GRK7: variants seen among roughly 807,000 people sequenced by gnomAD.
The protein encoded by GRK7 is rhodopsin kinase GRK7.
Under a neutral mutation model 34.1 loss-of-function variants are expected in GRK7, and 24 were observed. The observed-to-expected ratio is 0.70, with a 90% CI of 0.51 to 0.99. The LOEUF (loss-of-function observed/expected upper bound fraction) is 0.99, where lower values mean the gene tolerates loss of function less well. Among genes scored for constraint, GRK7 ranks in the 50% least tolerant of loss-of-function variants. The pLI is 0.00. For missense variants in GRK7, 644 were observed against 707.3 expected, an observed-to-expected ratio of 0.91 and a Z score of 1.02; for synonymous variants, 256 against 279.4, an observed-to-expected ratio of 0.92 and a Z score of 0.84.
chr3:141,815,466 A>G (rs35026516), intron 5 of GRK7, among the ~76,000 whole-genome samples: 15,640 of 152,118 alleles, frequency 0.1, 866 homozygotes, highest in Non-Finnish European at 0.13. Flanking sequence ...ATGCCACAAA[A>G]CAGCCCACTT....
In GRK7 at chr3:141,807,744, A is replaced by G; in HGVS notation, c.1150A>G (p.Met384Val). The G allele has an allele frequency of 6.2e-7, 1 of 1,614,144 alleles. No homozygotes were observed. The highest frequency in any genetic ancestry group is 8.5e-7 in the Non-Finnish European group (1 of 1,179,960). ...WFAMGCSIYE[M>V]VAGRTPFKDY... Reference sequence around the variant, plus strand: ...TGCCATGGGATGCAGCATTTATGAAATGGTTGCTGGACGAACACCATTCAA... The same window carrying G: ...TGCCATGGGATGCAGCATTTATGAAGTGGTTGCTGGACGAACACCATTCAA... The change falls in exon 5 of 6, where the codon ATG (methionine) becomes GTG (valine). Residue 384 changes from methionine (M) to valine (V), a missense_variant. Transcript: ENST00000682958.
rs991703867 is a variant in GRK7 at position 141,816,881 on chromosome 3, A to G, written c.1493A>G (p.Asp498Gly). The change falls in exon 6 of 6, where the codon GAT becomes GGT. Residue 498 changes from aspartate to glycine, a missense_variant. Transcript: ENST00000682958. The part of the protein sequence containing the change: ...DFSEVRGVEF[D>G]DKDKQFFKNF... The stretch of plus-strand genomic sequence containing the variant: ...TCTGAGGTTCGGGGGGTGGAATTTG[A>G]TGACAAAGATAAGCAGTTCTTCAAA... 1 of 1,614,008 alleles carries G rather than the reference A, an allele frequency of 6.2e-7. No homozygotes were observed. The highest frequency in any genetic ancestry group is 1.3e-5 in the African/African-American group (1 of 74,918).
chr3:141,779,852 T>C (rs984953789), intron 3 of GRK7, among the ~76,000 whole-genome samples: 1 of 152,250 alleles, frequency 6.6e-6, no homozygotes, highest in Non-Finnish European at 1.5e-5. Flanking sequence ...CAATACTCCA[T>C]TCCTTTTTAT....
chr3:141,750,110 T>A, the GRK7 span, among the ~76,000 whole-genome samples: 1 of 152,246 alleles, frequency 6.6e-6, no homozygotes, highest in Non-Finnish European at 1.5e-5. Flanking sequence ...CCTTTTTCTA[T>A]TAGGCTGGTG....
chr3:141,766,832 A>AT (rs2084583724), intron 1 of GRK7, among the ~76,000 whole-genome samples: 1 of 152,254 alleles, frequency 6.6e-6, no homozygotes, highest in African/African-American at 2.4e-5. Context: ...TGCTTAGCAG[A>AT]TTTTTAAAAT....
In GRK7 at chr3:141,778,173, C is replaced by A; in HGVS notation, c.-112C>A. 1 of 1,360,472 alleles carries A rather than the reference C, an allele frequency of 7.4e-7. No homozygotes were observed. Among genetic ancestry groups the A allele is most frequent in the Non-Finnish European group, 1.0e-6 (1 of 996,326 alleles). The allele number at this position is 1,360,472 out of a possible 1,614,324, so 84.3% of individuals were successfully genotyped here. A position where few individuals can be genotyped will look rare whatever the true frequency, so the allele number is the denominator to read the frequency against. ...ACCCTCCACGGGTCCCACCCACAGG[C>A]CACAGGACTCACTGTAAATCCCTTG... On this transcript the variant is annotated splice_region_variant and 5_prime_UTR_variant, in exon 3 of 6. Transcript: ENST00000682958. This position sits in a 1 kb window ranked among gnomAD's most constrained non-coding sequence, Gnocchi z 4.1.
intron 4 of GRK7, among the ~76,000 whole-genome samples, chr3:141,790,604 C>T (rs2084719690): frequency 6.6e-6 from 1 of 151,250 alleles, no homozygotes; most frequent in Non-Finnish European, 1.5e-5. Flanking sequence ...TGCTCTGTTG[C>T]CCAGGCTGGA....
chr3:141,785,254 T>C (rs1363996663), intron 4 of GRK7, among the ~76,000 whole-genome samples: 1 of 152,196 alleles, frequency 6.6e-6, no homozygotes, highest in African/African-American at 2.4e-5. Flanking sequence ...GAGAGTTATT[T>C]AGTCTTGTAT....
intron 4 of GRK7, among the ~76,000 whole-genome samples, chr3:141,782,789 A>C (rs770749367): frequency 2.1e-4 from 31 of 149,484 alleles, no homozygotes; most frequent in Non-Finnish European, 4.0e-4. Flanking sequence ...TGGGCTACAA[A>C]GCGAGACTCC....
the GRK7 span, among the ~76,000 whole-genome samples, chr3:141,754,077 ATCT>A: frequency 1.8e-4 from 28 of 152,244 alleles, no homozygotes; most frequent in Admixed American, 1.8e-3. Context: ...TTAGTATGGT[ATCT>A]TCTTTCAAAC....
At chr3:141,806,346 T>C (rs1366033016) in intron 4 of GRK7, among the ~76,000 whole-genome samples, 2 of 152,030 alleles carry the variant, frequency 1.3e-5, no homozygotes, top group East Asian at 3.9e-4. Context: ...GAGGATCACT[T>C]GAGGTCAGGG....
intron 4 of GRK7, among the ~76,000 whole-genome samples, chr3:141,784,115 C>T (rs1355875049): frequency 6.6e-6 from 1 of 152,178 alleles, no homozygotes; most frequent in Non-Finnish European, 1.5e-5. Flanking sequence ...TGGCTCACTC[C>T]AGTCTCCTTT....
intron 1 of GRK7, among the ~76,000 whole-genome samples, chr3:141,766,925 TA>T (rs2084584052): frequency 1.3e-5 from 2 of 152,274 alleles, no homozygotes; most frequent in South Asian, 4.1e-4. Flanking sequence ...AAGTATTTTC[TA>T]TTTCCTTCAG....
chr3:141,776,389 A>G (rs578013384), intron 2 of GRK7, among the ~76,000 whole-genome samples: 3 of 152,368 alleles, frequency 2.0e-5, no homozygotes, highest in East Asian at 1.9e-4. Context: ...GGCTGCCACT[A>G]CATTCCTAAG....
chr3:141,783,545 G>C (rs532672917), intron 4 of GRK7, among the ~76,000 whole-genome samples: 1 of 152,200 alleles, frequency 6.6e-6, no homozygotes, highest in African/African-American at 2.4e-5. Context: ...GTTGCAAAGA[G>C]GTAACGTCGC....
At chr3:141,754,401 G>C in the GRK7 span, among the ~76,000 whole-genome samples, 1 of 145,534 alleles carries the variant, frequency 6.9e-6, no homozygotes, top group African/African-American at 2.5e-5. Context: ...ACATTGACTT[G>C]TACTCGGTGA....
chr3:141,806,952 A>G (rs1450564420), intron 4 of GRK7, among the ~76,000 whole-genome samples: 1 of 151,880 alleles, frequency 6.6e-6, no homozygotes, highest in Non-Finnish European at 1.5e-5. Context: ...GTATGTATAT[A>G]TATAAAGTGA....
At chr3:141,816,513 G>A (rs992067054) in intron 5 of GRK7, among the ~76,000 whole-genome samples, 1 of 152,186 alleles carries the variant, frequency 6.6e-6, no homozygotes, top group Non-Finnish European at 1.5e-5. Context: ...TGCAAATAAT[G>A]AGAATGCTAC....
chr3:141,807,128 C>T (rs1424110512), intron 4 of GRK7, among the ~76,000 whole-genome samples: 3 of 151,792 alleles, frequency 2.0e-5, no homozygotes, highest in African/African-American at 7.3e-5. Context: ...CAGAGGTGTG[C>T]GATGTTAATG....
Sources: gnomAD v4.1 joint callset for allele counts (sites outside exome capture counted in the v4.1 genomes callset) on GRCh38, gnomAD v4.1.1 for gene constraint, Gnocchi (gnomAD v3.1) non-coding constraint, MANE v1.5 for transcripts, NCBI Gene and HGNC (gene_info 2026-07-23, HGNC 2026-07-21) for gene names.